The following SGCZ variants were observed in gnomAD, a reference collection of about 807,000 sequenced individuals.
SGCZ encodes the protein sarcoglycan zeta, also known as zeta-sarcoglycan.
Under a neutral mutation model 41.3 loss-of-function variants are expected in SGCZ, and 40 were observed. That is an observed-to-expected ratio of 0.97 (90% CI 0.75 to 1.26). The LOEUF is 1.26. SGCZ is among the 50% of genes most tolerant of loss of function. The probability of loss-of-function intolerance (pLI) is 0.00; values close to 1 mark genes in which losing one functional copy is unlikely to be tolerated. For synonymous variants in SGCZ, 206 were observed against 137.5 expected (o/e 1.50, Z -3.49); for missense variants, 552 against 369.8 (o/e 1.49, Z -4.04).
intron 1 of SGCZ, among the ~76,000 whole-genome samples, chr8:14,979,867 A>C (rs1387853920): frequency 2.0e-5 from 3 of 152,222 alleles, no homozygotes; most frequent in Non-Finnish European, 4.4e-5. Context: ...AGGGCATAGT[A>C]AATTTCGTAA....
At chr8:14,393,114 T>A (rs982461752) in intron 2 of SGCZ, among the ~76,000 whole-genome samples, 1 of 152,152 alleles carries the variant, frequency 6.6e-6, no homozygotes, top group Non-Finnish European at 1.5e-5. Context: ...AATATATCTA[T>A]GTTTTCTGAA....
intron 4 of SGCZ, among the ~76,000 whole-genome samples, chr8:14,180,128 C>G (rs1315485972): frequency 6.6e-6 from 1 of 152,180 alleles, no homozygotes; most frequent in Non-Finnish European, 1.5e-5. Flanking sequence ...AGAGCAACGA[C>G]TACTGGCCAT....
At chr8:14,456,240 C>T (rs569155943) in intron 2 of SGCZ, among the ~76,000 whole-genome samples, 10 of 152,198 alleles carry the variant, frequency 6.6e-5, no homozygotes, top group African/African-American at 2.4e-4. Context: ...GAAACCCTGT[C>T]TCTACTAAAT....
intron 1 of SGCZ, among the ~76,000 whole-genome samples, chr8:15,230,360 T>C (rs542867529): frequency 6.6e-6 from 1 of 152,258 alleles, no homozygotes; most frequent in East Asian, 1.9e-4. Context: ...GGCCTATGTA[T>C]AATAGCACAG....
At chr8:14,149,861 G>A (rs1454703140) in intron 5 of SGCZ, among the ~76,000 whole-genome samples, 1 of 151,912 alleles carries the variant, frequency 6.6e-6, no homozygotes, top group Admixed American at 6.6e-5. Flanking sequence ...AAACAACCCA[G>A]AAACAAATCC....
intron 2 of SGCZ, among the ~76,000 whole-genome samples, chr8:14,330,849 T>A (rs1279772222): frequency 6.6e-6 from 1 of 151,940 alleles, no homozygotes; most frequent in Non-Finnish European, 1.5e-5. Flanking sequence ...CGATTAAAAA[T>A]AGAGAAAATC....
At position 14,316,574 on chromosome 8, in the gene SGCZ, C is replaced by A. The variant is rs568444494; in HGVS notation, c.336+7529G>T. ...TCCATGTTACTTGACCTATCAGAGG[C>A]TGTTTTGCACTCTTTCAACCCGGAA... On this transcript the variant is annotated intron_variant, in intron 3 of 7. Coordinates refer to ENST00000382080, the MANE Select transcript of SGCZ (RefSeq NM_139167.4). 1.3e-5 allele frequency among the ~76,000 whole-genome samples: 2 copies of A among 152,044 alleles called. 1 individual carries two copies. Among genetic ancestry groups the A allele is most frequent in the African/African-American group, 4.8e-5 (2 of 41,512 alleles).
intron 1 of SGCZ, chr8:14,853,612 G>A (rs1389346359): frequency 1.5e-5 from 6 of 394,028 alleles, no homozygotes; most frequent in African/African-American, 6.2e-5. Context: ...GAAGTGGTTT[G>A]CTTTGTCCTT....
intron 3 of SGCZ, among the ~76,000 whole-genome samples, chr8:14,239,511 T>C (rs1798783334): frequency 6.6e-6 from 1 of 152,170 alleles, no homozygotes; most frequent in Non-Finnish European, 1.5e-5. Flanking sequence ...TATATGACAC[T>C]ATATGTTTTT....
At chr8:15,213,046 A>C (rs1325030640) in intron 1 of SGCZ, among the ~76,000 whole-genome samples, 5 of 152,056 alleles carry the variant, frequency 3.3e-5, no homozygotes, top group African/African-American at 1.2e-4. Context: ...AATGCACAAA[A>C]GCATTTAATA....
chr8:14,161,882 A>G (rs1056331832), intron 5 of SGCZ, among the ~76,000 whole-genome samples: 2 of 152,196 alleles, frequency 1.3e-5, no homozygotes, highest in South Asian at 4.1e-4. Context: ...TCACATGTAC[A>G]CATCACACAC....
chr8:14,481,508 CCAAA>C (rs987516509), intron 2 of SGCZ, among the ~76,000 whole-genome samples: 4 of 152,104 alleles, frequency 2.6e-5, no homozygotes, highest in African/African-American at 7.2e-5. Context: ...ATAAATTTGA[CCAAA>C]CATTTTGTGC....
At chr8:14,937,298 TA>T (rs1296818597) in intron 1 of SGCZ, among the ~76,000 whole-genome samples, 1 of 151,992 alleles carries the variant, frequency 6.6e-6, no homozygotes, top group African/African-American at 2.4e-5. Context: ...AAATATTTCA[TA>T]AAAAAGATAA....
At position 15,083,907 on chromosome 8, in the gene SGCZ, T is replaced by C. The variant is rs181138664; in HGVS notation, c.39+153678A>G. On this transcript the variant is annotated intron_variant, in intron 1 of 7. Coordinates refer to ENST00000382080, the MANE Select transcript of SGCZ (RefSeq NM_139167.4). Reference sequence around the variant, plus strand: ...CCAAGAACTTGATTGTTTTAAAAAGTTAAATTCTTCCCCATGTTTCATGGT... The same window carrying C: ...CCAAGAACTTGATTGTTTTAAAAAGCTAAATTCTTCCCCATGTTTCATGGT... Among the ~76,000 whole-genome samples the C allele has an allele frequency of 9.8e-5, 15 of 152,290 alleles. No individual in the cohort carries two copies. In the East Asian group the frequency reaches 2.5e-3, roughly 25 times the overall value.
At chr8:15,226,525 T>C (rs1801778777) in intron 1 of SGCZ, among the ~76,000 whole-genome samples, 1 of 152,206 alleles carries the variant, frequency 6.6e-6, no homozygotes, top group Non-Finnish European at 1.5e-5. Context: ...CATCTTTTTC[T>C]CATTTTTGAG....
At chr8:14,301,509 A>G (rs1476698123) in intron 3 of SGCZ, among the ~76,000 whole-genome samples, 2 of 152,170 alleles carry the variant, frequency 1.3e-5, no homozygotes, top group African/African-American at 4.8e-5. Context: ...ATTTCACGGC[A>G]GTCTTTTATG....
intron 7 of SGCZ, 123 bp from the exon 8 acceptor site, chr8:14,090,760 G>A (rs1801666023): frequency 2.4e-6 from 2 of 827,074 alleles, no homozygotes; most frequent in Non-Finnish European, 3.7e-6. Flanking sequence ...TGGTTTAGCT[G>A]CCATGCTTTG....
At chr8:14,616,008 G>A (rs4831620) in intron 1 of SGCZ, among the ~76,000 whole-genome samples, 42,731 of 151,958 alleles carry the variant, frequency 0.28, 7,237 homozygotes, top group East Asian at 0.62. Context: ...CCTGGGCTGG[G>A]CGCAGTGGCT....
At chr8:14,658,867 A>G (rs2083782739) in intron 1 of SGCZ, among the ~76,000 whole-genome samples, 1 of 152,032 alleles carries the variant, frequency 6.6e-6, no homozygotes, top group Non-Finnish European at 1.5e-5. Context: ...GGAGGGAAGG[A>G]AAAAAAGAGA....
Sources: allele counts gnomAD v4.1 joint callset (sites outside exome capture counted in the v4.1 genomes callset), GRCh38; gene constraint gnomAD v4.1.1; transcripts MANE v1.5; gene names NCBI Gene and HGNC (gene_info 2026-07-23, HGNC 2026-07-21).